GLIS1: variants seen among roughly 807,000 people sequenced by gnomAD.
GLIS1 encodes GLIS family zinc finger 1, also known as zinc finger protein GLIS1.
GLIS1 carries 24 observed loss-of-function variants against 63.8 expected under a neutral mutation model. That is an observed-to-expected ratio of 0.38 (90% CI 0.27 to 0.53). GLIS1 has a LOEUF of 0.53. Among genes scored for constraint, GLIS1 ranks in the 20% least tolerant of loss-of-function variants. The probability of loss-of-function intolerance (pLI) is 0.85; values close to 1 mark genes in which losing one functional copy is unlikely to be tolerated. For missense variants in GLIS1, 1,036 were observed against 1,074.1 expected (o/e 0.96, Z 0.50); for synonymous variants, 450 against 482.5 (o/e 0.93, Z 0.88).
At chr1:53,695,611 C>T (rs1646457253) in intron 2 of GLIS1, among the ~76,000 whole-genome samples, 1 of 152,192 alleles carries the variant, frequency 6.6e-6, no homozygotes, top group South Asian at 2.1e-4. Flanking sequence ...CTTCCCTCCA[C>T]CCTGTGTCCT....
chr1:53,534,242 G>C (rs1013415534), intron 4 of GLIS1, among the ~76,000 whole-genome samples: 3 of 152,000 alleles, frequency 2.0e-5, no homozygotes, highest in Non-Finnish European at 4.4e-5. Flanking sequence ...CCCTGGCTTC[G>C]ACCTTGGTTT....
intron 2 of GLIS1, among the ~76,000 whole-genome samples, chr1:53,653,929 C>T (rs1645936223): frequency 6.6e-6 from 1 of 152,196 alleles, no homozygotes; most frequent in Non-Finnish European, 1.5e-5. Context: ...TGGACCAGAC[C>T]CTAAGGAACA....
intron 4 of GLIS1, among the ~76,000 whole-genome samples, chr1:53,564,255 G>T (rs575334647): frequency 6.6e-6 from 1 of 152,234 alleles, no homozygotes; most frequent in Non-Finnish European, 1.5e-5. Flanking sequence ...GTTGGGGAGG[G>T]AGTTAAGGTA....
At chr1:53,701,080 C>T (rs1322788114) in intron 2 of GLIS1, among the ~76,000 whole-genome samples, 3 of 152,352 alleles carry the variant, frequency 2.0e-5, no homozygotes, top group South Asian at 2.1e-4. Flanking sequence ...CTGCTATTAA[C>T]ATTTTGGTAC....
chr1:53,532,722 G>A (rs1022685611), intron 4 of GLIS1, among the ~76,000 whole-genome samples: 2 of 152,340 alleles, frequency 1.3e-5, no homozygotes, highest in South Asian at 4.1e-4. Context: ...TACAGCAGAG[G>A]ACAATAACTC....
At chr1:53,647,147 T>C (rs1645855652) in intron 2 of GLIS1, among the ~76,000 whole-genome samples, 1 of 152,192 alleles carries the variant, frequency 6.6e-6, no homozygotes, top group South Asian at 2.1e-4. Context: ...AAATTTTTCT[T>C]CCCAAATTTA....
At chr1:53,673,058 C>A (rs1272804136) in intron 2 of GLIS1, among the ~76,000 whole-genome samples, 2 of 152,220 alleles carry the variant, frequency 1.3e-5, no homozygotes, top group Non-Finnish European at 2.9e-5. Context: ...GTGTTCCCCA[C>A]AATCTCATGC....
chr1:53,627,143 C>A lies in GLIS1; in HGVS notation c.260-26865G>T, dbSNP rs879441457. Among the ~76,000 whole-genome samples, 6 of 152,290 alleles carry A rather than the reference C, an allele frequency of 3.9e-5. No homozygotes were observed. The East Asian group carries it at 9.6e-4, about 24-fold the overall frequency. ...AGCATGAATCTCGAACAAGGCATTA[C>A]CTGAATGGCCTGGGAGGCAGAGGTT... On this transcript the variant is annotated intron_variant, in intron 2 of 10. Coordinates refer to ENST00000628545, the MANE Select transcript of GLIS1 (RefSeq NM_001367484.1).
At chr1:53,542,486 C>A (rs1180687275) in intron 4 of GLIS1, among the ~76,000 whole-genome samples, 1 of 152,176 alleles carries the variant, frequency 6.6e-6, no homozygotes, top group African/African-American at 2.4e-5. Flanking sequence ...AAGAACCAAG[C>A]AACAAACAAA....
chr1:53,651,230 G>C (rs1289112028), intron 2 of GLIS1, among the ~76,000 whole-genome samples: 2 of 152,194 alleles, frequency 1.3e-5, no homozygotes, highest in Non-Finnish European at 2.9e-5. Context: ...GTTGTTACTG[G>C]GCAGAATGTG....
intron 2 of GLIS1, among the ~76,000 whole-genome samples, chr1:53,667,908 T>C (rs555312044): frequency 1.6e-3 from 238 of 152,290 alleles, no homozygotes; most frequent in Non-Finnish European, 2.7e-3. Flanking sequence ...TTCAAACCAT[T>C]GTACATGGCT....
chr1:53,632,409 T>G, intron 2 of GLIS1, among the ~76,000 whole-genome samples: 1 of 146,522 alleles, frequency 6.8e-6, no homozygotes, highest in East Asian at 2.1e-4. Flanking sequence ...TGAGTGTGAC[T>G]GAGGGGCATG....
chr1:53,654,727 C>G (rs533743441), intron 2 of GLIS1, among the ~76,000 whole-genome samples: 1 of 152,240 alleles, frequency 6.6e-6, no homozygotes, highest in African/African-American at 2.4e-5. Context: ...AGGACTGAGG[C>G]GACTGCAGCC....
chr1:53,683,701 C>T (rs748238763), intron 2 of GLIS1, among the ~76,000 whole-genome samples: 3 of 152,242 alleles, frequency 2.0e-5, no homozygotes, highest in East Asian at 1.9e-4. Context: ...CCGAGGTGCC[C>T]GGTAAATGCT....
In GLIS1 at chr1:53,670,289, G is replaced by C. The variant is rs553740487; in HGVS notation, c.259+67517C>G. 4.6e-5 allele frequency among the ~76,000 whole-genome samples: 7 copies of C among 152,180 alleles called. No homozygotes were observed. The South Asian group carries it at 1.4e-3, about 32-fold the overall frequency. On this transcript the variant is annotated intron_variant, in intron 2 of 10. Transcript: ENST00000628545. Reference sequence around the variant, plus strand: ...AGACAGAACAATTCTGGCTGTGTGAGATTTTTAAAACCTTTTGGACTATAA... The same window carrying C: ...AGACAGAACAATTCTGGCTGTGTGACATTTTTAAAACCTTTTGGACTATAA...
intron 2 of GLIS1, among the ~76,000 whole-genome samples, chr1:53,686,767 G>A (rs532651801): frequency 1.4e-4 from 22 of 152,072 alleles, no homozygotes; most frequent in Non-Finnish European, 2.4e-4. Context: ...ACAGAAGCAT[G>A]AGAACGTGTG....
rs143927355 is a variant in GLIS1, at chr1:53,722,406, T to C, written c.259+15400A>G. ...CAAGTAATATATATACATATTTGTT[T>C]GTATTCACATAAACTATCTCTGAGA... On this transcript the variant is annotated intron_variant, in intron 2 of 10. Coordinates refer to ENST00000628545, the MANE Select transcript of GLIS1 (RefSeq NM_001367484.1). Among the ~76,000 whole-genome samples the C allele has an allele frequency of 1.9e-4, 29 of 152,338 alleles. No homozygotes were observed. In the East Asian group the frequency reaches 5.4e-3, roughly 28 times the overall value.
chr1:53,554,367 C>T (rs1315827358), intron 4 of GLIS1, among the ~76,000 whole-genome samples: 1 of 152,188 alleles, frequency 6.6e-6, no homozygotes, highest in Non-Finnish European at 1.5e-5. Flanking sequence ...ATGGCCCCAC[C>T]AACCCCACCA....
At chr1:53,638,219 G>T (rs966512736) in intron 2 of GLIS1, among the ~76,000 whole-genome samples, 1 of 152,288 alleles carries the variant, frequency 6.6e-6, no homozygotes, top group South Asian at 2.1e-4. Flanking sequence ...AAGGCACCTC[G>T]GGGAAAGGGA....
Sources: allele counts gnomAD v4.1 joint callset (sites outside exome capture counted in the v4.1 genomes callset), GRCh38; gene constraint gnomAD v4.1.1; transcripts MANE v1.5; gene names NCBI Gene and HGNC (gene_info 2026-07-23, HGNC 2026-07-21).